RPS6KC1: variants seen among roughly 807,000 people sequenced by gnomAD.
The protein encoded by RPS6KC1 is ribosomal protein S6 kinase C1, also known as inactive ribosomal protein S6 kinase delta-1.
Under a neutral mutation model 103.8 loss-of-function variants are expected in RPS6KC1, and 54 were observed. The observed-to-expected ratio is 0.52, with a 90% CI of 0.42 to 0.65. RPS6KC1 has a LOEUF of 0.65. Ranked by LOEUF, RPS6KC1 falls within the 30% of genes least tolerant of loss-of-function variation. The probability of loss-of-function intolerance (pLI) is 0.00; values close to 1 mark genes in which losing one functional copy is unlikely to be tolerated. For synonymous variants in RPS6KC1, 439 were observed against 438.7 expected, an observed-to-expected ratio of 1.00 and a Z score of -0.01; for missense variants, 1,151 against 1,253.8, an observed-to-expected ratio of 0.92 and a Z score of 1.24.
the RPS6KC1 span, among the ~76,000 whole-genome samples, chr1:213,395,064 C>T: frequency 2.1e-3 from 317 of 152,326 alleles, 1 homozygote; most frequent in African/African-American, 7.2e-3. Context: ...CAGCTTCCCA[C>T]ACCTGCTCTT....
chr1:213,314,114 C>T, the RPS6KC1 span, among the ~76,000 whole-genome samples: 1 of 152,014 alleles, frequency 6.6e-6, no homozygotes, highest in Non-Finnish European at 1.5e-5. Flanking sequence ...TGGTCCTCGG[C>T]CTTCCTTGGC....
chr1:213,269,035 A>G (rs948574855), intron 14 of RPS6KC1, among the ~76,000 whole-genome samples: 1 of 152,186 alleles, frequency 6.6e-6, no homozygotes, highest in African/African-American at 2.4e-5. Context: ...TGCCAAACCA[A>G]AGGCAGATTC....
In RPS6KC1 at chr1:213,241,156, C is replaced by T; in HGVS notation, c.1680C>T (p.Ser560=). 6.2e-7 allele frequency: 1 copy of T among 1,613,860 alleles called. No individual in the cohort carries two copies. The highest frequency in any genetic ancestry group is 1.7e-5 in the Admixed American group (1 of 59,952). The part of the protein sequence containing the change: ...FPAHLAADSD[S]PSTQLRAHEL... ...CACACCTTGCTGCTGACAGTGACAGCCCCAGCACACAGCTGAGAGCTCACG... is the reference window on the plus strand; with the variant it reads ...CACACCTTGCTGCTGACAGTGACAGTCCCAGCACACAGCTGAGAGCTCACG... Residue 560 remains serine (S), a synonymous_variant, in exon 11 of 15, where the codon AGC becomes AGT. Coordinates refer to ENST00000366960, the MANE Select transcript of RPS6KC1 (RefSeq NM_012424.6).
the RPS6KC1 span, among the ~76,000 whole-genome samples, chr1:213,452,726 G>A: frequency 1.3e-5 from 2 of 152,162 alleles, no homozygotes; most frequent in South Asian, 2.1e-4. Context: ...CCTGTCCTGT[G>A]CTGCTGGCTC....
the RPS6KC1 span, among the ~76,000 whole-genome samples, chr1:213,589,406 G>A: frequency 2.6e-5 from 4 of 152,084 alleles, no homozygotes. Flanking sequence ...TTGGGAGGCC[G>A]AGGTGGGAAG....
At chr1:213,725,817 T>G in the RPS6KC1 span, among the ~76,000 whole-genome samples, 6 of 152,230 alleles carry the variant, frequency 3.9e-5, no homozygotes, top group African/African-American at 1.4e-4. Flanking sequence ...TTTACTGTTT[T>G]GTTCTTTTCC....
intron 6 of RPS6KC1, among the ~76,000 whole-genome samples, chr1:213,152,793 T>C (rs1201029115): frequency 1.5e-5 from 2 of 137,448 alleles, no homozygotes; most frequent in Non-Finnish European, 3.1e-5. Flanking sequence ...ACATCCCAGA[T>C]GATGGGCCGC....
At chr1:213,355,476 A>T in the RPS6KC1 span, among the ~76,000 whole-genome samples, 1 of 152,138 alleles carries the variant, frequency 6.6e-6, no homozygotes, top group Non-Finnish European at 1.5e-5. Context: ...GAGTGTTTGC[A>T]ATCTGATATT....
chr1:213,447,551 C>A, the RPS6KC1 span, among the ~76,000 whole-genome samples: 1 of 152,316 alleles, frequency 6.6e-6, no homozygotes. Context: ...TGGCATATCA[C>A]CATTTGGACT....
At chr1:213,462,566 A>G in the RPS6KC1 span, among the ~76,000 whole-genome samples, 3 of 152,244 alleles carry the variant, frequency 2.0e-5, no homozygotes, top group Non-Finnish European at 4.4e-5. Flanking sequence ...ATGGAATACT[A>G]TGCAGCCATA....
At chr1:213,856,061 C>T in the RPS6KC1 span, among the ~76,000 whole-genome samples, 1 of 152,208 alleles carries the variant, frequency 6.6e-6, no homozygotes, top group African/African-American at 2.4e-5. Flanking sequence ...CACTCCCTCT[C>T]CCAGACTTAA....
intron 8 of RPS6KC1, among the ~76,000 whole-genome samples, chr1:213,179,919 A>G (rs544142297): frequency 1.3e-5 from 2 of 152,310 alleles, no homozygotes; most frequent in African/African-American, 2.4e-5. Flanking sequence ...TTTTAAATAT[A>G]TATAGAATGA....
At chr1:213,830,659 A>G in the RPS6KC1 span, among the ~76,000 whole-genome samples, 1 of 150,694 alleles carries the variant, frequency 6.6e-6, no homozygotes, top group East Asian at 2.0e-4. Context: ...GAAAGGTCCA[A>G]TGTCACATTC....
chr1:213,232,164 C>T lies in RPS6KC1; in HGVS notation c.1134C>T (p.Thr378=), dbSNP rs758279007. The T allele has an allele frequency of 2.5e-6, 4 of 1,614,022 alleles. No individual in the cohort carries two copies. The highest frequency in any genetic ancestry group is 3.3e-5 in the Admixed American group (2 of 59,986). ...KSSEYSRNRK[T]IIPRCVPNMV... ...GTGAATACAGCAGGAACAGAAAGAC[C>T]ATCATCCCCCGCTGTGTGCCCAACA... The change falls in exon 10 of 15, where the codon ACC becomes ACT. Residue 378 remains threonine, a synonymous_variant. Transcript: ENST00000366960.
chr1:213,551,502 C>T, the RPS6KC1 span, among the ~76,000 whole-genome samples: 1 of 151,266 alleles, frequency 6.6e-6, no homozygotes, highest in Non-Finnish European at 1.5e-5. Flanking sequence ...TCTGGGACTT[C>T]CTGTGTTCTA....
the RPS6KC1 span, among the ~76,000 whole-genome samples, chr1:213,589,953 G>GTT: frequency 6.9e-6 from 1 of 144,840 alleles, no homozygotes; most frequent in South Asian, 2.1e-4. Context: ...GTGTGTGTGT[G>GTT]TGTGTGTGTG....
chr1:213,403,472 C>G, the RPS6KC1 span, among the ~76,000 whole-genome samples: 3 of 152,172 alleles, frequency 2.0e-5, no homozygotes. Context: ...GCTATGATAC[C>G]AATGCCTTGT....
rs1353422281 is a variant in RPS6KC1 at position 213,125,733 on chromosome 1, T to G, written c.473-3794T>G. ...AAAAGGAATGCTTTGTATAGAATGT[T>G]TATTTACTTAATCTTACTATCTTTC... On this transcript the variant is annotated intron_variant, in intron 5 of 14. Coordinates refer to ENST00000366960, the MANE Select transcript of RPS6KC1 (RefSeq NM_012424.6). 3.3e-5 allele frequency: 5 copies of G among 152,012 alleles called. No homozygotes were observed. The East Asian group carries it at 7.7e-4, about 24-fold the overall frequency. 9.4% of individuals were successfully genotyped at this position (152,012 alleles called of 1,614,324 possible).
At chr1:213,811,771 A>T in the RPS6KC1 span, among the ~76,000 whole-genome samples, 1 of 152,202 alleles carries the variant, frequency 6.6e-6, no homozygotes, top group Non-Finnish European at 1.5e-5. Context: ...ATGGGGTTGA[A>T]TTATTAAGAA....
Sources: allele counts gnomAD v4.1 joint callset (sites outside exome capture counted in the v4.1 genomes callset), GRCh38; gene constraint gnomAD v4.1.1; transcripts MANE v1.5; gene names NCBI Gene and HGNC (gene_info 2026-07-23, HGNC 2026-07-21).